The following CERKL variants were observed in gnomAD, a reference collection of about 807,000 sequenced individuals.
CERKL encodes the protein CERK like autophagy regulator.
CERKL carries 61 observed loss-of-function variants against 63.4 expected under a neutral mutation model. The ratio of observed to expected loss-of-function variants is 0.96; its 90% CI spans 0.78 to 1.19. CERKL has a LOEUF of 1.19. CERKL is among the 50% of genes most tolerant of loss of function. The pLI is 0.00. For missense variants in CERKL, 675 were observed against 655.5 expected (o/e 1.03, Z -0.33); for synonymous variants, 250 against 230.5 (o/e 1.08, Z -0.77).
In CERKL at chr2:181,558,752, G is replaced by A; in HGVS notation, c.678-44C>T. 6.2e-7 allele frequency: 1 copy of A among 1,601,792 alleles called. No individual in the cohort carries two copies. The highest frequency in any genetic ancestry group is 2.2e-5 in the East Asian group (1 of 44,608). On this transcript the variant is annotated intron_variant, in intron 4 of 12. Coordinates refer to ENST00000410087, the MANE Select transcript of CERKL (RefSeq NM_201548.5). This position sits in a 1 kb window ranked among gnomAD's most constrained non-coding sequence, Gnocchi z 4.2. Reference sequence around the variant, plus strand: ...AGCAAAGAAGGCAAAACTTCAGAATGATTGGTAATAAGTCATGAAATCTAG... The same window carrying A: ...AGCAAAGAAGGCAAAACTTCAGAATAATTGGTAATAAGTCATGAAATCTAG...
Position 181,550,014 on chromosome 2 carries a change from A to G in CERKL, c.821-306T>C, listed in dbSNP as rs1272467142. ...TTTCTACCTCCCAAATGCTAGCTAT[A>G]TCAAAGCCCACTCCATCCCAACCTT... On this transcript the variant is annotated intron_variant, in intron 5 of 12. Coordinates refer to ENST00000410087, the MANE Select transcript of CERKL (RefSeq NM_201548.5). This position sits in a 1 kb window ranked among gnomAD's most constrained non-coding sequence, Gnocchi z 4.5. Among the ~76,000 whole-genome samples, 1 of 152,156 alleles carries G rather than the reference A, an allele frequency of 6.6e-6. No individual in the cohort carries two copies. The highest frequency in any genetic ancestry group is 1.5e-5 in the Non-Finnish European group (1 of 68,022).
intron 4 of CERKL, among the ~76,000 whole-genome samples, chr2:181,562,708 T>C (rs1559079042): frequency 1.3e-5 from 2 of 152,158 alleles, no homozygotes; most frequent in Non-Finnish European, 2.9e-5. Context: ...TGGGTGATAA[T>C]ATATCCTTTT....
At chr2:181,614,279 A>C (rs1196001367) in intron 1 of CERKL, among the ~76,000 whole-genome samples, 2 of 152,320 alleles carry the variant, frequency 1.3e-5, no homozygotes, top group East Asian at 3.9e-4. Flanking sequence ...CTGAAATCTA[A>C]AAAGGTCTTT....
At chr2:181,574,337 G>C (rs909785904) in intron 2 of CERKL, among the ~76,000 whole-genome samples, 13 of 152,196 alleles carry the variant, frequency 8.5e-5, no homozygotes, top group African/African-American at 2.9e-4. Context: ...GGCTACCAAC[G>C]CCTGACCTAC....
chr2:181,561,615 C>T (rs2105825461), intron 4 of CERKL, among the ~76,000 whole-genome samples: 1 of 152,134 alleles, frequency 6.6e-6, no homozygotes, highest in Admixed American at 6.5e-5. Flanking sequence ...AATTTGCATT[C>T]TATAGAGAAT....
chr2:181,597,105 T>C (rs1685248834), intron 2 of CERKL, among the ~76,000 whole-genome samples: 1 of 152,184 alleles, frequency 6.6e-6, no homozygotes, highest in African/African-American at 2.4e-5. Context: ...ACAGTGAATT[T>C]TTCCCACCAC....
Position 181,538,049 on chromosome 2 carries a change from A to C in CERKL, c.*135T>G, listed in dbSNP as rs750915127. 2 of 705,132 alleles carry C rather than the reference A, an allele frequency of 2.8e-6. No individual in the cohort carries two copies. Among genetic ancestry groups the C allele is most frequent in the Non-Finnish European group, 2.6e-6 (1 of 378,228 alleles). The allele number at this position is 705,132 out of a possible 1,614,324, so 43.7% of individuals were successfully genotyped here. A position where few individuals can be genotyped will look rare whatever the true frequency, so the allele number is the denominator to read the frequency against. ...AGGTGGAACAGTTCATCCTGAAACC[A>C]TTCCCCCATCCACGGAAAAATTGTC... On this transcript the variant is annotated 3_prime_UTR_variant, in exon 13 of 13. Transcript: ENST00000410087.
intron 5 of CERKL, among the ~76,000 whole-genome samples, chr2:181,556,422 T>C (rs1436219501): frequency 6.6e-6 from 1 of 151,432 alleles, no homozygotes; most frequent in African/African-American, 2.4e-5. Flanking sequence ...GGCCCCAGTG[T>C]GTGATGTTCC....
At chr2:181,611,620 G>A (rs1042178407) in intron 1 of CERKL, among the ~76,000 whole-genome samples, 4 of 152,212 alleles carry the variant, frequency 2.6e-5, no homozygotes, top group Non-Finnish European at 4.4e-5. Flanking sequence ...AGGACCTCCA[G>A]CCTCCAGTGA....
At chr2:181,598,253 G>A (rs1381995374) in intron 2 of CERKL, among the ~76,000 whole-genome samples, 1 of 152,152 alleles carries the variant, frequency 6.6e-6, no homozygotes, top group Non-Finnish European at 1.5e-5. Context: ...GGAGTTGTCT[G>A]CCCTAGACTG....
intron 2 of CERKL, among the ~76,000 whole-genome samples, chr2:181,591,508 A>G (rs1406458470): frequency 6.6e-6 from 1 of 152,194 alleles, no homozygotes; most frequent in Admixed American, 6.5e-5. Flanking sequence ...TGAAATATAT[A>G]CTTTCAGTCT....
rs898535836 is a variant in CERKL, at chr2:181,550,057, C to T, written c.821-349G>A. Among the ~76,000 whole-genome samples the T allele has an allele frequency of 6.6e-6, 1 of 152,062 alleles. No individual in the cohort carries two copies. The highest frequency in any genetic ancestry group is 2.4e-5 in the African/African-American group (1 of 41,396). On this transcript the variant is annotated intron_variant, in intron 5 of 12. Transcript: ENST00000410087. The surrounding 1 kb of genome is among the most constrained non-coding windows in gnomAD (Gnocchi z 4.5). ...CCAACCTTAATGAATGGGTTTTTAGCTTCAATGCCAAAATGAGGTGCCTCT... is the reference window on the plus strand; with the variant it reads ...CCAACCTTAATGAATGGGTTTTTAGTTTCAATGCCAAAATGAGGTGCCTCT...
chr2:181,624,878 T>C (rs1559111883), intron 1 of CERKL, among the ~76,000 whole-genome samples: 1 of 152,216 alleles, frequency 6.6e-6, no homozygotes, highest in African/African-American at 2.4e-5. Context: ...GAGTTTGTTG[T>C]AGAACATAAG....
intron 1 of CERKL, among the ~76,000 whole-genome samples, chr2:181,625,122 G>A (rs565669356): frequency 2.0e-5 from 3 of 152,274 alleles, no homozygotes; most frequent in African/African-American, 7.2e-5. Flanking sequence ...GGAAAAAGCA[G>A]CCCAATGGGG....
intron 1 of CERKL, among the ~76,000 whole-genome samples, chr2:181,611,932 T>G (rs1376498900): frequency 2.0e-5 from 3 of 152,214 alleles, no homozygotes; most frequent in African/African-American, 7.2e-5. Context: ...TTGCTTATCC[T>G]AAAATAGTTT....
In CERKL at chr2:181,656,707, T is replaced by C. The variant is rs562436629; in HGVS notation, c.238+62A>G. The C allele has an allele frequency of 7.1e-6, 10 of 1,399,752 alleles. No homozygotes were observed. In the East Asian group the frequency reaches 2.3e-4, roughly 32 times the overall value. 86.7% of individuals were successfully genotyped at this position (1,399,752 alleles called of 1,614,324 possible). ...GAGCAAAAGCTCGTGGGTGTAGGCC[T>C]TGGGCCGGGGAGAGGGAGGAAGCGC... On this transcript the variant is annotated intron_variant, in intron 1 of 12. Coordinates refer to ENST00000410087, the MANE Select transcript of CERKL (RefSeq NM_201548.5).
intron 5 of CERKL, among the ~76,000 whole-genome samples, chr2:181,554,677 A>G (rs1048500581): frequency 2.0e-5 from 3 of 152,086 alleles, no homozygotes; most frequent in Non-Finnish European, 4.4e-5. Flanking sequence ...CATCTGATCC[A>G]TTTGAGTCTG....
intron 1 of CERKL, among the ~76,000 whole-genome samples, chr2:181,615,176 AT>A (rs886426849): frequency 6.6e-6 from 1 of 152,066 alleles, no homozygotes; most frequent in African/African-American, 2.4e-5. Context: ...CTATTGTTGT[AT>A]TTTTTTGGGG....
chr2:181,548,366 A>AG, intron 8 of CERKL, 179 bp downstream of exon 8: 1 of 602,952 alleles, frequency 1.7e-6, no homozygotes, highest in Non-Finnish European at 2.9e-6. Context: ...AAGGAAAAAG[A>AG]GAAAAAGGCT....
Sources: gnomAD v4.1 joint callset for allele counts (sites outside exome capture counted in the v4.1 genomes callset) on GRCh38, gnomAD v4.1.1 for gene constraint, Gnocchi (gnomAD v3.1) non-coding constraint, MANE v1.5 for transcripts, NCBI Gene and HGNC (gene_info 2026-07-23, HGNC 2026-07-21) for gene names.